Variants in PRDM16 observed in about 807,000 individuals in gnomAD.
PRDM16 encodes the protein histone-lysine N-methyltransferase PRDM16.
PRDM16 carries 23 observed loss-of-function variants against 110.6 expected under a neutral mutation model. The observed-to-expected ratio is 0.21, with a 90% CI of 0.15 to 0.29. The LOEUF (loss-of-function observed/expected upper bound fraction) is 0.29, where lower values mean the gene tolerates loss of function less well. Ranked by LOEUF, PRDM16 falls within the 10% of genes least tolerant of loss-of-function variation. PRDM16 has a pLI of 1.00. For missense variants in PRDM16, 1,615 were observed against 1,794.3 expected, an observed-to-expected ratio of 0.90 and a Z score of 1.81; for synonymous variants, 799 against 781.8, an observed-to-expected ratio of 1.02 and a Z score of -0.37.
At chr1:3,308,438 G>A (rs1641363417) in intron 3 of PRDM16, 1 of 152,304 alleles carries the variant, frequency 6.6e-6, no homozygotes, top group Admixed American at 6.5e-5. Flanking sequence ...CCACAGTCCA[G>A]GCCCCTCTGA....
chr1:3,185,231 T>C (rs1644254161), intron 1 of PRDM16, among the ~76,000 whole-genome samples: 2 of 152,116 alleles, frequency 1.3e-5, no homozygotes, highest in Admixed American at 6.5e-5. Context: ...ACACACACTA[T>C]CTTGGCACCC....
chr1:3,087,046 G>A (rs932132839), intron 1 of PRDM16, among the ~76,000 whole-genome samples: 12 of 152,300 alleles, frequency 7.9e-5, no homozygotes, highest in African/African-American at 1.4e-4. Flanking sequence ...CGACATGCTC[G>A]TAGTTCATAT....
intron 1 of PRDM16, among the ~76,000 whole-genome samples, chr1:3,159,599 T>C (rs1643883159): frequency 6.6e-6 from 1 of 152,240 alleles, no homozygotes; most frequent in Admixed American, 6.5e-5. Context: ...CCCATTCTGA[T>C]ATCCTGGGGA....
At position 3,435,338 on chromosome 1, in the gene PRDM16, G is replaced by A. The variant is rs1407575951; in HGVS notation, c.*1527G>A. The A allele has an allele frequency of 1.7e-5, 4 of 229,772 alleles. No homozygotes were observed. Among genetic ancestry groups the A allele is most frequent in the Non-Finnish European group, 3.4e-5 (4 of 116,020 alleles). The allele number at this position is 229,772 out of a possible 1,614,324, so 14.2% of individuals were successfully genotyped here. On this transcript the variant is annotated 3_prime_UTR_variant, in exon 17 of 17. Coordinates refer to ENST00000270722, the MANE Select transcript of PRDM16 (RefSeq NM_022114.4). ...AATAATGTTAATATAAGTATCTGGTGAAGGACCAAAACCGTGTGATAAGGT... is the reference window on the plus strand; with the variant it reads ...AATAATGTTAATATAAGTATCTGGTAAAGGACCAAAACCGTGTGATAAGGT...
At chr1:3,303,457 T>C (rs937930745) in intron 3 of PRDM16, among the ~76,000 whole-genome samples, 11 of 152,186 alleles carry the variant, frequency 7.2e-5, no homozygotes, top group Admixed American at 1.3e-4. Flanking sequence ...ATTTTCTGTC[T>C]GCGTCCAAAT....
At chr1:3,117,296 G>T (rs1281639486) in intron 1 of PRDM16, among the ~76,000 whole-genome samples, 2 of 152,198 alleles carry the variant, frequency 1.3e-5, no homozygotes, top group Non-Finnish European at 2.9e-5. Context: ...CAGCATCCTG[G>T]TGGTCATGGC....
At chr1:3,404,991 T>C (rs767568073) in intron 7 of PRDM16, 105 bp downstream of exon 7, 12 of 1,278,832 alleles carry the variant, frequency 9.4e-6, no homozygotes, top group Admixed American at 2.5e-5. Flanking sequence ...GTAGATGGAG[T>C]GCGGCAGAGT....
intron 1 of PRDM16, among the ~76,000 whole-genome samples, chr1:3,146,227 G>C (rs1455114721): frequency 6.6e-6 from 1 of 152,230 alleles, no homozygotes; most frequent in Admixed American, 6.5e-5. Flanking sequence ...GGAAACGGGG[G>C]GGCCCGCTAA....
At chr1:3,408,638 G>A (rs1448800348) in intron 8 of PRDM16, among the ~76,000 whole-genome samples, 1 of 151,166 alleles carries the variant, frequency 6.6e-6, no homozygotes, top group Non-Finnish European at 1.5e-5. Context: ...GGGTGCGTGA[G>A]CTGGTGCCTG....
chr1:3,272,870 G>A (rs1441047558), intron 3 of PRDM16, among the ~76,000 whole-genome samples: 2 of 152,188 alleles, frequency 1.3e-5, no homozygotes, highest in East Asian at 3.9e-4. Flanking sequence ...GGACACAGAG[G>A]CCTGGTGGCT....
In PRDM16 at chr1:3,201,583, G is replaced by A. The variant is rs1638628524; in HGVS notation, c.387+15109G>A. ...GCCACCCGGGGCAGCTGCCCTCTGA[G>A]GGACTTTTTGCCCCTGAGCATGGCC... On this transcript the variant is annotated intron_variant, in intron 2 of 16. Transcript: ENST00000270722. The surrounding 1 kb of genome is among the most constrained non-coding windows in gnomAD (Gnocchi z 4.1). 6.6e-6 allele frequency among the ~76,000 whole-genome samples: 1 copy of A among 152,244 alleles called. No individual in the cohort carries two copies. Among genetic ancestry groups the A allele is most frequent in the Non-Finnish European group, 1.5e-5 (1 of 68,036 alleles).
chr1:3,333,102 G>T (rs1642076726), intron 3 of PRDM16, among the ~76,000 whole-genome samples: 1 of 152,140 alleles, frequency 6.6e-6, no homozygotes, highest in Admixed American at 6.5e-5. Flanking sequence ...CTATATCTAG[G>T]CGTGGGATTG....
chr1:3,083,386 G>A (rs1170249797), intron 1 of PRDM16, among the ~76,000 whole-genome samples: 1 of 152,240 alleles, frequency 6.6e-6, no homozygotes, highest in Non-Finnish European at 1.5e-5. Context: ...GCGCTGGCGG[G>A]GCCTGCTGTG....
At position 3,426,122 on chromosome 1, in the gene PRDM16, A is replaced by G. The variant is rs773548976; in HGVS notation, c.3181A>G (p.Asn1061Asp). ...GTCCTCTCCCACCTCAGAGTCGGAC[A>G]ACCACGCACTTTTAGACGAGAAAGA... Reference protein sequence around the residue: ...SASSPTSESDNHALLDEKEDS... With the variant: ...SASSPTSESDDHALLDEKEDS... The change falls in exon 14 of 17, where the codon AAC becomes GAC. Residue 1061 changes from asparagine (N) to aspartate (D), a missense_variant. This residue lies in a region of PRDM16 where 327 missense variants were observed against 359.3 expected (regional missense o/e 0.91). Transcript: ENST00000270722. 2.5e-6 allele frequency: 4 copies of G among 1,614,040 alleles called. No homozygotes were observed. The South Asian group carries it at 4.4e-5, about 18-fold the overall frequency.
At chr1:3,176,882 T>G (rs1644097328) in intron 1 of PRDM16, among the ~76,000 whole-genome samples, 1 of 151,380 alleles carries the variant, frequency 6.6e-6, no homozygotes, top group African/African-American at 2.4e-5. Context: ...CCATTCTTCC[T>G]TCCTTCCGTC....
At chr1:3,329,422 G>A (rs926724527) in intron 3 of PRDM16, among the ~76,000 whole-genome samples, 7 of 149,702 alleles carry the variant, frequency 4.7e-5, no homozygotes, top group Non-Finnish European at 7.4e-5. Context: ...TGGAATTAAT[G>A]GGATCCCCGG....
intron 3 of PRDM16, among the ~76,000 whole-genome samples, chr1:3,338,931 G>A (rs924551451): frequency 3.3e-5 from 5 of 152,186 alleles, no homozygotes; most frequent in Non-Finnish European, 7.3e-5. Flanking sequence ...TTTTCTGTGC[G>A]GCTGTGCTGA....
intron 1 of PRDM16, among the ~76,000 whole-genome samples, chr1:3,156,539 G>C (rs1360475994): frequency 6.6e-6 from 1 of 152,184 alleles, no homozygotes; most frequent in Admixed American, 6.5e-5. Context: ...TTTGTTTGCT[G>C]TCACCCCTCC....
intron 1 of PRDM16, among the ~76,000 whole-genome samples, chr1:3,145,353 C>T (rs1467676520): frequency 6.6e-6 from 1 of 152,198 alleles, no homozygotes; most frequent in African/African-American, 2.4e-5. Context: ...GCGACCTGGG[C>T]CCTGAGCCCA....
Sources: gnomAD v4.1 joint callset for allele counts (sites outside exome capture counted in the v4.1 genomes callset) on GRCh38, gnomAD v4.1.1 for gene constraint, gnomAD v4.1.1 regional missense constraint, Gnocchi (gnomAD v3.1) non-coding constraint, MANE v1.5 for transcripts, NCBI Gene and HGNC (gene_info 2026-07-23, HGNC 2026-07-21) for gene names.